The following CACNA2D3 variants were observed in gnomAD, a reference collection of about 807,000 sequenced individuals.
CACNA2D3 encodes the protein voltage-dependent calcium channel subunit alpha-2/delta-3.
CACNA2D3 carries 60 observed loss-of-function variants against 160.6 expected under a neutral mutation model. That is an observed-to-expected ratio of 0.37 (90% CI 0.30 to 0.46). The LOEUF (loss-of-function observed/expected upper bound fraction) is 0.46, where lower values mean the gene tolerates loss of function less well. Among genes scored for constraint, CACNA2D3 ranks in the 20% least tolerant of loss-of-function variants. The pLI, the probability that CACNA2D3 is intolerant of heterozygous loss-of-function variation, is 1.00. For missense variants in CACNA2D3, 1,205 were observed against 1,365.0 expected (o/e 0.88, Z 1.85); for synonymous variants, 558 against 492.9 (o/e 1.13, Z -1.75).
intron 27 of CACNA2D3, among the ~76,000 whole-genome samples, chr3:54,922,390 G>A (rs1409940369): frequency 6.6e-6 from 1 of 150,786 alleles, no homozygotes; most frequent in East Asian, 1.9e-4. Flanking sequence ...GCTGGCCTGT[G>A]CTTACAATTT....
intron 2 of CACNA2D3, among the ~76,000 whole-genome samples, chr3:54,138,738 G>C (rs778429463): frequency 4.6e-5 from 7 of 152,124 alleles, no homozygotes; most frequent in Non-Finnish European, 8.8e-5. Context: ...TCTGCATTTG[G>C]GGAAGTAGAG....
At chr3:54,316,760 G>C (rs1703871523) in intron 2 of CACNA2D3, among the ~76,000 whole-genome samples, 1 of 152,200 alleles carries the variant, frequency 6.6e-6, no homozygotes, top group Non-Finnish European at 1.5e-5. Flanking sequence ...GAAGAAAAAA[G>C]TGGGATATAG....
intron 4 of CACNA2D3, among the ~76,000 whole-genome samples, chr3:54,405,337 A>G (rs2106712525): frequency 6.6e-6 from 1 of 152,088 alleles, no homozygotes; most frequent in East Asian, 1.9e-4. Context: ...ACGAAGCATA[A>G]CAATCAAAAC....
At chr3:54,824,093 T>C (rs1402363883) in intron 14 of CACNA2D3, among the ~76,000 whole-genome samples, 1 of 152,230 alleles carries the variant, frequency 6.6e-6, no homozygotes. Context: ...TAACATGCAT[T>C]GATTCTTGGT....
intron 2 of CACNA2D3, among the ~76,000 whole-genome samples, chr3:54,280,128 C>T (rs1702839441): frequency 1.3e-5 from 2 of 152,036 alleles, no homozygotes; most frequent in African/African-American, 2.4e-5. Flanking sequence ...GTTGCCCAGG[C>T]TGGAGTGCAG....
At chr3:54,755,938 T>C (rs1701961583) in intron 12 of CACNA2D3, among the ~76,000 whole-genome samples, 1 of 152,184 alleles carries the variant, frequency 6.6e-6, no homozygotes, top group South Asian at 2.1e-4. Flanking sequence ...CTGATGAAAA[T>C]TACTGAAATT....
At chr3:54,879,537 A>C (rs1473686552) in intron 20 of CACNA2D3, 126 bp downstream of exon 20, 2 of 702,528 alleles carry the variant, frequency 2.8e-6, no homozygotes, top group Non-Finnish European at 4.7e-6. Flanking sequence ...GGCTGGAAAG[A>C]GTGAGGAAGG....
chr3:54,631,236 A>ACACAC (rs1559532534), intron 10 of CACNA2D3, among the ~76,000 whole-genome samples: 3 of 151,524 alleles, frequency 2.0e-5, no homozygotes, highest in African/African-American at 7.3e-5. Flanking sequence ...ACACACACAC[A>ACACAC]AAGATAAATG....
intron 25 of CACNA2D3, 65 bp downstream of exon 25, chr3:54,891,515 C>G: frequency 8.1e-7 from 1 of 1,232,648 alleles, no homozygotes. Flanking sequence ...CAAAGGGAAG[C>G]TTATTTCATT....
intron 18 of CACNA2D3, among the ~76,000 whole-genome samples, chr3:54,873,373 C>G (rs1215673864): frequency 3.3e-5 from 5 of 150,766 alleles, no homozygotes; most frequent in African/African-American, 1.2e-4. Context: ...TCCTTCTTCA[C>G]TTTATCTGTT....
At chr3:54,441,190 GA>G in intron 4 of CACNA2D3, among the ~76,000 whole-genome samples, 1 of 152,298 alleles carries the variant, frequency 6.6e-6, no homozygotes, top group African/African-American at 2.4e-5. Context: ...TAACTGGTGT[GA>G]GATGGTATCT....
Position 54,833,163 on chromosome 3 carries a change from C to T in CACNA2D3, c.1399-3996C>T, listed in dbSNP as rs546770068. Among the ~76,000 whole-genome samples the T allele has an allele frequency of 2.0e-5, 3 of 152,302 alleles. No homozygotes were observed. In the South Asian group the frequency reaches 6.2e-4, roughly 32 times the overall value. ...CCAGATGTTCAGTATTATTATTCATCATTTCCTTTGATACCCAAATGGTCC... is the reference window on the plus strand; with the variant it reads ...CCAGATGTTCAGTATTATTATTCATTATTTCCTTTGATACCCAAATGGTCC... On this transcript the variant is annotated intron_variant, in intron 14 of 37. Coordinates refer to ENST00000474759, the MANE Select transcript of CACNA2D3 (RefSeq NM_018398.3).
At chr3:54,939,819 C>T (rs1208180571) in intron 27 of CACNA2D3, among the ~76,000 whole-genome samples, 9 of 152,292 alleles carry the variant, frequency 5.9e-5, no homozygotes, top group Non-Finnish European at 1.0e-4. Flanking sequence ...TCCTGCCCTT[C>T]GGCCCACATG....
Position 54,429,598 on chromosome 3 carries a change from A to G in CACNA2D3, c.381+42824A>G, listed in dbSNP as rs528946755. 5.3e-5 allele frequency among the ~76,000 whole-genome samples: 8 copies of G among 152,188 alleles called. No homozygotes were observed. The South Asian group carries it at 1.7e-3, about 32-fold the overall frequency. The stretch of plus-strand genomic sequence containing the variant: ...TGAGGAGCCGTTCAGTGAGAGTTGA[A>G]AAGACTGGTAGATTTCCTAGGGGTT... On this transcript the variant is annotated intron_variant, in intron 4 of 37. Transcript: ENST00000474759.
chr3:54,926,079 A>C (rs550920950), intron 27 of CACNA2D3, among the ~76,000 whole-genome samples: 22 of 152,266 alleles, frequency 1.4e-4, no homozygotes, highest in African/African-American at 4.8e-4. Flanking sequence ...AGTTGAACTT[A>C]CTTTGATTCA....
At chr3:54,783,577 G>C (rs112044840) in intron 13 of CACNA2D3, among the ~76,000 whole-genome samples, 3,195 of 152,162 alleles carry the variant, frequency 0.021, 146 homozygotes, top group African/African-American at 0.074. Flanking sequence ...CTGCACTCCA[G>C]CCTGGGTGAC....
intron 10 of CACNA2D3, among the ~76,000 whole-genome samples, chr3:54,631,212 A>G (rs1381131174): frequency 1.3e-5 from 2 of 150,806 alleles, no homozygotes; most frequent in Admixed American, 6.6e-5. Flanking sequence ...AAACACACAC[A>G]CACACACACA....
chr3:54,170,189 C>CAA lies in CACNA2D3; in HGVS notation c.204+46613_204+46614dup, dbSNP rs1304301578. Among the ~76,000 whole-genome samples, 691 of 73,224 alleles carry CAA rather than the reference C, an allele frequency of 9.4e-3. 7 individuals are homozygous for CAA. The highest frequency in any genetic ancestry group is 0.026 in the African/African-American group (588 of 22,496). The allele number at this position is 73,224 out of a possible 152,430, so 48.0% of individuals were successfully genotyped here. ...TGGGTGATAGAGTGAGCCTCCATCT[C>CAA]AAAAAAAAAAAAAAAAAAAGTGAGG... is the stretch of plus-strand genomic sequence containing the variant. On this transcript the variant is annotated intron_variant, in intron 2 of 37. Transcript: ENST00000474759.
chr3:54,615,955 C>T (rs1467725778), intron 9 of CACNA2D3, among the ~76,000 whole-genome samples: 1 of 152,124 alleles, frequency 6.6e-6, no homozygotes, highest in Non-Finnish European at 1.5e-5. Context: ...GGTTGTGTGC[C>T]CCTTATGAGA....
Sources: allele counts gnomAD v4.1 joint callset (sites outside exome capture counted in the v4.1 genomes callset), GRCh38; gene constraint gnomAD v4.1.1; transcripts MANE v1.5; gene names NCBI Gene and HGNC (gene_info 2026-07-23, HGNC 2026-07-21).